Variants in WWOX observed in about 807,000 individuals in gnomAD.
The protein encoded by WWOX is WW domain-containing oxidoreductase.
Under a neutral mutation model 46.2 loss-of-function variants are expected in WWOX, and 69 were observed. The ratio of observed to expected loss-of-function variants is 1.49; its 90% CI spans 1.23 to 1.82. WWOX has a LOEUF of 1.82. WWOX is among the 40% of genes most tolerant of loss of function. WWOX has a pLI of 0.00. For synonymous variants in WWOX, 359 were observed against 202.6 expected (o/e 1.77, Z -6.56); for missense variants, 919 against 542.6 (o/e 1.69, Z -6.89).
intron 4 of WWOX, among the ~76,000 whole-genome samples, chr16:78,130,486 T>TA (rs1428438326): frequency 6.6e-6 from 1 of 152,228 alleles, no homozygotes; most frequent in Non-Finnish European, 1.5e-5. Context: ...CGGTCCATGA[T>TA]ATTTTGTTGC....
intron 8 of WWOX, chr16:78,981,861 C>T (rs868402358): frequency 1.3e-5 from 2 of 152,212 alleles, no homozygotes; most frequent in African/African-American, 2.4e-5. Context: ...AAAGTCCTTC[C>T]TGTGTCCACT....
At chr16:78,406,278 C>T (rs1463806960) in intron 6 of WWOX, among the ~76,000 whole-genome samples, 1 of 122,108 alleles carries the variant, frequency 8.2e-6, no homozygotes, top group Non-Finnish European at 1.7e-5. Flanking sequence ...ATATAATTTC[C>T]ATTACATTAC....
intron 8 of WWOX, among the ~76,000 whole-genome samples, chr16:78,440,662 A>T (rs1415346304): frequency 1.4e-5 from 2 of 145,546 alleles, no homozygotes; most frequent in South Asian, 4.4e-4. Flanking sequence ...CGTTGCCCGG[A>T]TTGGAGTGTA....
intron 8 of WWOX, among the ~76,000 whole-genome samples, chr16:79,002,134 T>C (rs112142028): frequency 1.6e-4 from 25 of 152,146 alleles, no homozygotes; most frequent in African/African-American, 5.8e-4. Flanking sequence ...TGAATGAGTT[T>C]TAATGCAAGT....
intron 8 of WWOX, among the ~76,000 whole-genome samples, chr16:78,464,701 A>G (rs1174812765): frequency 1.3e-5 from 2 of 152,156 alleles, no homozygotes; most frequent in Non-Finnish European, 2.9e-5. Flanking sequence ...CCCGTGCAGC[A>G]ATTCTTCCTG....
intron 8 of WWOX, among the ~76,000 whole-genome samples, chr16:78,971,668 T>C (rs902965747): frequency 6.6e-6 from 1 of 151,872 alleles, no homozygotes; most frequent in Non-Finnish European, 1.5e-5. Flanking sequence ...TTAGGGTTCC[T>C]TTTTTTCAAG....
intron 8 of WWOX, among the ~76,000 whole-genome samples, chr16:78,720,929 C>G (rs950751270): frequency 6.6e-6 from 1 of 152,152 alleles, no homozygotes; most frequent in African/African-American, 2.4e-5. Context: ...AGGATGAAAC[C>G]AAGAGCACTT....
At chr16:78,391,420 C>T (rs976862728) in intron 6 of WWOX, among the ~76,000 whole-genome samples, 11 of 152,342 alleles carry the variant, frequency 7.2e-5, no homozygotes, top group Non-Finnish European at 1.5e-4. Flanking sequence ...GACACTTTCT[C>T]AACTTGAGCA....
intron 8 of WWOX, among the ~76,000 whole-genome samples, chr16:78,770,515 G>T (rs1426305919): frequency 6.6e-6 from 1 of 152,148 alleles, no homozygotes; most frequent in African/African-American, 2.4e-5. Flanking sequence ...TGGCAGAAAG[G>T]TTCTCACTGA....
intron 8 of WWOX, among the ~76,000 whole-genome samples, chr16:78,464,315 A>G (rs2345997): frequency 0.32 from 48,312 of 150,784 alleles, 10,093 homozygotes; most frequent in African/African-American, 0.61. Flanking sequence ...AAAGAGAGGA[A>G]AGAGGGGAAG....
chr16:79,199,823 T>C (rs533043196), intron 8 of WWOX, among the ~76,000 whole-genome samples: 14 of 152,308 alleles, frequency 9.2e-5, no homozygotes, highest in East Asian at 3.9e-4. Flanking sequence ...TGAGTAGCAA[T>C]GTGCATTTGT....
intron 8 of WWOX, among the ~76,000 whole-genome samples, chr16:79,144,392 C>T (rs904109125): frequency 1.3e-5 from 2 of 152,214 alleles, no homozygotes; most frequent in Non-Finnish European, 2.9e-5. Flanking sequence ...ATGCCCAGCA[C>T]TTCTCAGGTG....
At chr16:78,791,176 A>G (rs2050588191) in intron 8 of WWOX, among the ~76,000 whole-genome samples, 3 of 152,206 alleles carry the variant, frequency 2.0e-5, no homozygotes, top group South Asian at 4.1e-4. Flanking sequence ...CCTGACTACC[A>G]TCTGGATGTG....
intron 5 of WWOX, among the ~76,000 whole-genome samples, chr16:78,384,625 A>G (rs2082022472): frequency 6.6e-6 from 1 of 152,020 alleles, no homozygotes. Context: ...TTATTTCCTG[A>G]ACGTAGGAAA....
At chr16:78,633,010 C>G (rs1183300406) in intron 8 of WWOX, among the ~76,000 whole-genome samples, 1 of 152,070 alleles carries the variant, frequency 6.6e-6, no homozygotes, top group African/African-American at 2.4e-5. Context: ...TGCCTGTAAT[C>G]CTAGCACTTT....
intron 8 of WWOX, among the ~76,000 whole-genome samples, chr16:79,209,152 C>A (rs1453230963): frequency 1.2e-4 from 18 of 152,130 alleles, no homozygotes; most frequent in Admixed American, 1.2e-3. Context: ...TTAGGCTTTT[C>A]AAAAAGGTAT....
intron 8 of WWOX, among the ~76,000 whole-genome samples, chr16:78,703,188 C>T (rs777730206): frequency 5.3e-5 from 8 of 151,268 alleles, no homozygotes; most frequent in Non-Finnish European, 1.2e-4. Context: ...TTCTCTTCTC[C>T]GCTCCTTCCT....
chr16:78,613,494 C>A (rs1480186804), intron 8 of WWOX, among the ~76,000 whole-genome samples: 1 of 152,138 alleles, frequency 6.6e-6, no homozygotes. Flanking sequence ...TTCCTCTCCC[C>A]CTTACAAGGG....
intron 8 of WWOX, among the ~76,000 whole-genome samples, chr16:79,106,369 T>G (rs566642913): frequency 2.3e-4 from 35 of 152,294 alleles, no homozygotes; most frequent in Non-Finnish European, 4.6e-4. Context: ...AAGCTTGTGT[T>G]CACACTCACC....
Sources: gnomAD v4.1 joint callset for allele counts (sites outside exome capture counted in the v4.1 genomes callset) on GRCh38, gnomAD v4.1.1 for gene constraint, MANE v1.5 for transcripts, NCBI Gene and HGNC (gene_info 2026-07-23, HGNC 2026-07-21) for gene names.